SORCS3: variants seen among roughly 807,000 people sequenced by gnomAD.
The protein encoded by SORCS3 is sortilin related VPS10 domain containing receptor 3.
Under a neutral mutation model 146.3 loss-of-function variants are expected in SORCS3, and 57 were observed. The ratio of observed to expected loss-of-function variants is 0.39; its 90% CI spans 0.31 to 0.49. SORCS3 has a LOEUF of 0.49. Among genes scored for constraint, SORCS3 ranks in the 20% least tolerant of loss-of-function variants. The probability of loss-of-function intolerance (pLI) is 0.92; values close to 1 mark genes in which losing one functional copy is unlikely to be tolerated. For missense variants in SORCS3, 1,341 were observed against 1,575.5 expected (o/e 0.85, Z 2.52); for synonymous variants, 653 against 618.5 (o/e 1.06, Z -0.83).
At chr10:104,680,478 G>GT (rs2015958032) in intron 1 of SORCS3, among the ~76,000 whole-genome samples, 1 of 152,196 alleles carries the variant, frequency 6.6e-6, no homozygotes, top group South Asian at 2.1e-4. Flanking sequence ...TGGAGAGGCT[G>GT]TCCCCCGTGT....
At chr10:104,732,101 G>A (rs1001086583) in intron 1 of SORCS3, among the ~76,000 whole-genome samples, 1 of 152,186 alleles carries the variant, frequency 6.6e-6, no homozygotes, top group African/African-American at 2.4e-5. Flanking sequence ...GTTAGCTCTC[G>A]TGTAAATATC....
At chr10:104,816,759 T>G (rs572592946) in intron 1 of SORCS3, among the ~76,000 whole-genome samples, 7 of 152,306 alleles carry the variant, frequency 4.6e-5, no homozygotes, top group African/African-American at 1.7e-4. Flanking sequence ...CTTAGCCTCT[T>G]TGAGCCTGAG....
chr10:105,261,624 G>A (rs999112984), intron 25 of SORCS3, among the ~76,000 whole-genome samples: 2 of 152,228 alleles, frequency 1.3e-5, no homozygotes, highest in African/African-American at 4.8e-5. Context: ...AGATGGGTCA[G>A]AAGATGAATG....
chr10:104,670,234 C>T (rs958520797), intron 1 of SORCS3, among the ~76,000 whole-genome samples: 1 of 151,974 alleles, frequency 6.6e-6, no homozygotes, highest in African/African-American at 2.4e-5. Context: ...TCACAAACTC[C>T]AATTTTTCTC....
At chr10:104,946,338 T>C (rs999025838) in intron 3 of SORCS3, among the ~76,000 whole-genome samples, 1 of 152,136 alleles carries the variant, frequency 6.6e-6, no homozygotes, top group Non-Finnish European at 1.5e-5. Flanking sequence ...ACCCTCCTCC[T>C]CTGCTGTTGT....
chr10:105,074,523 C>T (rs1322623311), intron 5 of SORCS3, among the ~76,000 whole-genome samples: 1 of 152,170 alleles, frequency 6.6e-6, no homozygotes, highest in East Asian at 1.9e-4. Flanking sequence ...TGAGATAACA[C>T]ACACAGAGCA....
At chr10:105,103,388 T>C (rs967332955) in intron 6 of SORCS3, among the ~76,000 whole-genome samples, 2 of 152,238 alleles carry the variant, frequency 1.3e-5, no homozygotes, top group Admixed American at 1.3e-4. Context: ...CCTAAGGCAC[T>C]CAGCAATAGT....
At chr10:105,045,021 G>GAAAAAAAAAAAAAAA (rs35904016) in intron 5 of SORCS3, among the ~76,000 whole-genome samples, 5 of 118,010 alleles carry the variant, frequency 4.2e-5, no homozygotes, top group African/African-American at 1.4e-4. Context: ...TCCAGAATTC[G>GAAAAAAAAAAAAAAA]AAAAAAAAAA....
At chr10:105,163,483 A>C (rs961465606) in intron 11 of SORCS3, among the ~76,000 whole-genome samples, 7 of 152,166 alleles carry the variant, frequency 4.6e-5, no homozygotes, top group Admixed American at 2.0e-4. Flanking sequence ...TTCCACAATT[A>C]TTTATTGAGC....
At chr10:105,054,051 T>C (rs980298801) in intron 5 of SORCS3, among the ~76,000 whole-genome samples, 37 of 152,076 alleles carry the variant, frequency 2.4e-4, no homozygotes, top group African/African-American at 8.7e-4. Flanking sequence ...TTTTCCTTGT[T>C]TTAATTTGCA....
chr10:104,692,813 G>A (rs2016129622), intron 1 of SORCS3, among the ~76,000 whole-genome samples: 1 of 152,146 alleles, frequency 6.6e-6, no homozygotes, highest in African/African-American at 2.4e-5. Flanking sequence ...CTCTAAGCAG[G>A]GCTGTCATTG....
At chr10:104,966,976 A>C (rs1170028962) in intron 3 of SORCS3, among the ~76,000 whole-genome samples, 3 of 151,538 alleles carry the variant, frequency 2.0e-5, no homozygotes, top group African/African-American at 4.9e-5. Context: ...TTTTTTCAAA[A>C]GATACTGCAC....
intron 3 of SORCS3, among the ~76,000 whole-genome samples, chr10:104,928,446 A>G (rs2019172417): frequency 6.6e-6 from 1 of 152,214 alleles, no homozygotes; most frequent in African/African-American, 2.4e-5. Flanking sequence ...ATGCACAGCC[A>G]TATAGCAAAT....
intron 13 of SORCS3, among the ~76,000 whole-genome samples, chr10:105,175,545 G>T (rs946764163): frequency 5.3e-5 from 8 of 152,122 alleles, no homozygotes; most frequent in Non-Finnish European, 1.0e-4. Context: ...TAGTAGCCAC[G>T]ACACACTCTG....
At chr10:105,118,121 T>A (rs2055905906) in intron 7 of SORCS3, among the ~76,000 whole-genome samples, 1 of 152,210 alleles carries the variant, frequency 6.6e-6, no homozygotes, top group South Asian at 2.1e-4. Flanking sequence ...TCTTGAATTA[T>A]AGTTCTCATA....
intron 7 of SORCS3, among the ~76,000 whole-genome samples, chr10:105,135,589 T>G (rs976523229): frequency 3.9e-5 from 6 of 152,176 alleles, no homozygotes; most frequent in African/African-American, 1.4e-4. Flanking sequence ...TCCCTTTCAA[T>G]TGTAAGCTGC....
At chr10:104,821,408 G>A (rs1304658780) in intron 1 of SORCS3, among the ~76,000 whole-genome samples, 1 of 152,200 alleles carries the variant, frequency 6.6e-6, no homozygotes, top group African/African-American at 2.4e-5. Flanking sequence ...GGCAGGCAGA[G>A]AAGGGCAGGA....
intron 2 of SORCS3, among the ~76,000 whole-genome samples, chr10:104,909,042 C>G (rs2018937834): frequency 6.6e-6 from 1 of 152,034 alleles, no homozygotes; most frequent in Non-Finnish European, 1.5e-5. Context: ...GGGGGTGGGA[C>G]AGAGGTGGAG....
At chr10:104,786,260 C>CA (rs71482438) in intron 1 of SORCS3, among the ~76,000 whole-genome samples, 2,806 of 110,562 alleles carry the variant, frequency 0.025, 37 homozygotes, top group African/African-American at 0.051. Context: ...AATTGGAAGC[C>CA]AAAAAAAAAA....
Sources: allele counts gnomAD v4.1 joint callset (sites outside exome capture counted in the v4.1 genomes callset), GRCh38; gene constraint gnomAD v4.1.1; transcripts MANE v1.5; gene names NCBI Gene and HGNC (gene_info 2026-07-23, HGNC 2026-07-21).